The following PELI2 variants were observed in gnomAD, a reference collection of about 807,000 sequenced individuals.
PELI2 encodes E3 ubiquitin-protein ligase pellino homolog 2.
A neutral mutation model predicts 42.3 loss-of-function variants in PELI2; 23 were observed. The observed-to-expected ratio is 0.54, with a 90% CI of 0.39 to 0.77. PELI2 has a LOEUF of 0.77. PELI2 is among the 30% of genes least tolerant of loss of function. The pLI is 0.00. For synonymous variants in PELI2, 245 were observed against 212.2 expected (o/e 1.15, Z -1.34); for missense variants, 463 against 553.2 (o/e 0.84, Z 1.64).
intron 2 of PELI2, among the ~76,000 whole-genome samples, chr14:56,182,471 G>T (rs557594610): frequency 1.3e-5 from 2 of 152,168 alleles, no homozygotes; most frequent in Non-Finnish European, 2.9e-5. Flanking sequence ...TTTGTTAGCT[G>T]CATGTTTTAA....
rs1196058341 is a variant in PELI2, at chr14:56,261,761, C to A, written c.208-17915C>A. ...ACACTATGCCTTGAAAAAGCACTAA[C>A]TACGCAGAATGTTCACTGATTTGGT... On this transcript the variant is annotated intron_variant, in intron 2 of 5. Transcript: ENST00000267460. 9.2e-5 allele frequency among the ~76,000 whole-genome samples: 14 copies of A among 152,204 alleles called. 1 individual carries two copies. Among genetic ancestry groups the A allele is most frequent in the Admixed American group, 3.9e-4 (6 of 15,280 alleles).
intron 3 of PELI2, among the ~76,000 whole-genome samples, chr14:56,287,884 G>T (rs991673398): frequency 7.2e-5 from 11 of 152,180 alleles, no homozygotes; most frequent in Admixed American, 2.0e-4. Flanking sequence ...AAATGCCTTG[G>T]AAATTGACTT....
intron 2 of PELI2, among the ~76,000 whole-genome samples, chr14:56,200,505 G>A (rs2139705630): frequency 6.6e-6 from 1 of 152,216 alleles, no homozygotes; most frequent in South Asian, 2.1e-4. Context: ...TACTGCCTTC[G>A]TTACCCTATA....
At chr14:56,242,091 C>G (rs544501108) in intron 2 of PELI2, among the ~76,000 whole-genome samples, 9 of 152,200 alleles carry the variant, frequency 5.9e-5, no homozygotes, top group African/African-American at 2.2e-4. Context: ...TGGCTGTGTG[C>G]GAGGGGTCCA....
chr14:56,208,813 T>TAGAA (rs1566638248), intron 2 of PELI2, among the ~76,000 whole-genome samples: 1 of 152,238 alleles, frequency 6.6e-6, no homozygotes, highest in East Asian at 1.9e-4. Context: ...ACCACTTTCA[T>TAGAA]AGAAAACCAT....
intron 2 of PELI2, among the ~76,000 whole-genome samples, chr14:56,217,490 G>A (rs1886949683): frequency 6.6e-6 from 1 of 152,212 alleles, no homozygotes. Flanking sequence ...GTCCGGCTTG[G>A]CCAGGGGTCC....
At position 56,138,110 on chromosome 14, in the gene PELI2, G is replaced by A. The variant is rs530792988; in HGVS notation, c.77+19373G>A. Among the ~76,000 whole-genome samples, 4 of 152,230 alleles carry A rather than the reference G, an allele frequency of 2.6e-5. No individual in the cohort carries two copies. The South Asian group carries it at 8.3e-4, about 31-fold the overall frequency. ...TACCTCTCCCCAGCCCGCTCTCGCT[G>A]CACCGGCTTGCCACTGATGCCTGCG... On this transcript the variant is annotated intron_variant, in intron 1 of 5. Transcript: ENST00000267460.
chr14:56,181,311 G>T (rs559290721), intron 2 of PELI2, among the ~76,000 whole-genome samples: 3 of 149,052 alleles, frequency 2.0e-5, no homozygotes, highest in African/African-American at 7.4e-5. Context: ...CTGTGTCTCT[G>T]GCTCTGGGCC....
chr14:56,214,608 G>C (rs1213688703), intron 2 of PELI2, among the ~76,000 whole-genome samples: 1 of 152,174 alleles, frequency 6.6e-6, no homozygotes, highest in Non-Finnish European at 1.5e-5. Context: ...CCAGCTTGGA[G>C]TCAGCTTCTG....
chr14:56,280,190 G>A (rs1889429169), intron 3 of PELI2, among the ~76,000 whole-genome samples: 1 of 151,962 alleles, frequency 6.6e-6, no homozygotes, highest in South Asian at 2.1e-4. Context: ...CATCTTACTC[G>A]GAAGAAAATG....
At chr14:56,271,154 C>T (rs1014963473) in intron 2 of PELI2, among the ~76,000 whole-genome samples, 5 of 152,164 alleles carry the variant, frequency 3.3e-5, no homozygotes, top group African/African-American at 1.2e-4. Flanking sequence ...TGCTCTGCCC[C>T]GACATCACAG....
At chr14:56,282,431 A>G (rs1889510934) in intron 3 of PELI2, among the ~76,000 whole-genome samples, 1 of 152,092 alleles carries the variant, frequency 6.6e-6, no homozygotes. Flanking sequence ...AATGGTTTAA[A>G]TCATGCTTAT....
chr14:56,230,963 C>T (rs1259231262), intron 2 of PELI2, among the ~76,000 whole-genome samples: 6 of 152,104 alleles, frequency 3.9e-5, no homozygotes. Context: ...CAATCCTAGT[C>T]TCTGATAAAA....
At chr14:56,231,217 AG>A (rs1199614312) in intron 2 of PELI2, among the ~76,000 whole-genome samples, 5 of 152,182 alleles carry the variant, frequency 3.3e-5, no homozygotes, top group African/African-American at 1.2e-4. Flanking sequence ...AAAGTTAACA[AG>A]GATATCCAGG....
intron 5 of PELI2, among the ~76,000 whole-genome samples, chr14:56,291,443 C>A (rs1889826673): frequency 6.6e-6 from 1 of 152,006 alleles, no homozygotes; most frequent in Non-Finnish European, 1.5e-5. Flanking sequence ...TATTTTACAC[C>A]ATTTTTCAGC....
At chr14:56,227,932 C>A (rs758942841) in intron 2 of PELI2, among the ~76,000 whole-genome samples, 1 of 152,094 alleles carries the variant, frequency 6.6e-6, no homozygotes, top group Admixed American at 6.5e-5. Context: ...TTAAAGTTAC[C>A]CACCAAAAAA....
intron 3 of PELI2, among the ~76,000 whole-genome samples, chr14:56,283,431 AC>A (rs1246273069): frequency 6.6e-6 from 1 of 152,160 alleles, no homozygotes; most frequent in African/African-American, 2.4e-5. Flanking sequence ...AGCTTTACCC[AC>A]CATTGTTCTA....
At chr14:56,124,269 T>G (rs1026477920) in intron 1 of PELI2, among the ~76,000 whole-genome samples, 2 of 152,246 alleles carry the variant, frequency 1.3e-5, no homozygotes, top group African/African-American at 4.8e-5. Flanking sequence ...GCCAGTAATT[T>G]ATGACAAGTA....
chr14:56,196,961 T>G (rs1349794326), intron 2 of PELI2, among the ~76,000 whole-genome samples: 1 of 152,208 alleles, frequency 6.6e-6, no homozygotes, highest in Admixed American at 6.5e-5. Context: ...TGCTTATCTA[T>G]CTCAAGGTTT....
Sources: gnomAD v4.1 joint callset for allele counts (sites outside exome capture counted in the v4.1 genomes callset) on GRCh38, gnomAD v4.1.1 for gene constraint, MANE v1.5 for transcripts, NCBI Gene and HGNC (gene_info 2026-07-23, HGNC 2026-07-21) for gene names.